AGBL1: variants seen among roughly 807,000 people sequenced by gnomAD.
AGBL1 encodes AGBL carboxypeptidase 1, also known as cytosolic carboxypeptidase 4.
Under a neutral mutation model 118.9 loss-of-function variants are expected in AGBL1, and 130 were observed. The ratio of observed to expected loss-of-function variants is 1.09; its 90% CI spans 0.95 to 1.26. The LOEUF (loss-of-function observed/expected upper bound fraction) is 1.26, where lower values mean the gene tolerates loss of function less well. Among genes scored for constraint, AGBL1 ranks in the 50% most tolerant of loss-of-function variants. The probability of loss-of-function intolerance (pLI) is 0.00; values close to 1 mark genes in which losing one functional copy is unlikely to be tolerated. For synonymous variants in AGBL1, 555 were observed against 478.9 expected (o/e 1.16, Z -2.08); for missense variants, 1,584 against 1,298.1 (o/e 1.22, Z -3.38).
chr15:86,966,293 TTAACAGA>T (rs2081052056), intron 23 of AGBL1, among the ~76,000 whole-genome samples: 1 of 151,706 alleles, frequency 6.6e-6, no homozygotes, highest in African/African-American at 2.4e-5. Context: ...TTTTTTTTTT[TTAACAGA>T]AATCCTCATT....
At chr15:86,456,924 A>G (rs1295463421) in intron 18 of AGBL1, among the ~76,000 whole-genome samples, 2 of 152,226 alleles carry the variant, frequency 1.3e-5, no homozygotes, top group Non-Finnish European at 2.9e-5. Flanking sequence ...AAAAAGGATT[A>G]CCTACATTCT....
At chr15:86,508,941 A>G (rs545737435) in intron 18 of AGBL1, among the ~76,000 whole-genome samples, 90 of 152,266 alleles carry the variant, frequency 5.9e-4, no homozygotes, top group African/African-American at 2.0e-3. Flanking sequence ...GTGTGTTATG[A>G]CACTTAAGCC....
intron 21 of AGBL1, among the ~76,000 whole-genome samples, chr15:86,571,651 C>T (rs2084007577): frequency 6.6e-6 from 1 of 152,164 alleles, no homozygotes; most frequent in Non-Finnish European, 1.5e-5. Flanking sequence ...CTTCATCTCC[C>T]CCTTGTTTCC....
chr15:86,846,069 C>G lies in AGBL1; in HGVS notation c.3159-61018C>G, dbSNP rs560460400. ...TTTTCTATTTAGCCAGCCTGGTAGT[C>G]TTTTGGATGACAATTACACATATAC... On this transcript the variant is annotated intron_variant, in intron 22 of 22. Transcript: ENST00000614907. Among the ~76,000 whole-genome samples the G allele has an allele frequency of 2.6e-5, 4 of 152,330 alleles. No homozygotes were observed. The South Asian group carries it at 8.3e-4, about 32-fold the overall frequency.
intron 5 of AGBL1, among the ~76,000 whole-genome samples, chr15:86,184,407 A>C (rs1327029251): frequency 6.6e-6 from 1 of 150,722 alleles, no homozygotes; most frequent in Non-Finnish European, 1.5e-5. Flanking sequence ...TTTATACACG[A>C]TCTATTCCTT....
chr15:86,650,981 C>T (rs1404810325), intron 21 of AGBL1, among the ~76,000 whole-genome samples: 1 of 152,204 alleles, frequency 6.6e-6, no homozygotes, highest in African/African-American at 2.4e-5. Context: ...CTTAGCACTT[C>T]TTGGTTCAAA....
chr15:86,264,939 A>T lies in AGBL1; in HGVS notation c.1667+101A>T. The T allele has an allele frequency of 7.2e-6, 8 of 1,114,960 alleles. 1 individual carries two copies. In the South Asian group the frequency reaches 1.5e-4, roughly 21 times the overall value. The allele number at this position is 1,114,960 out of a possible 1,614,324, so 69.1% of individuals were successfully genotyped here. A position where few individuals can be genotyped will look rare whatever the true frequency, so the allele number is the denominator to read the frequency against. ...TAATTCTACTATCTATAGGAAAGAGAGCATTAATCAGGAACATGTCAAAGC... is the reference window on the plus strand; with the variant it reads ...TAATTCTACTATCTATAGGAAAGAGTGCATTAATCAGGAACATGTCAAAGC... On this transcript the variant is annotated intron_variant, in intron 11 of 22. Transcript: ENST00000614907.
chr15:86,519,317 A>G (rs1324226667), intron 18 of AGBL1, among the ~76,000 whole-genome samples: 2 of 152,200 alleles, frequency 1.3e-5, no homozygotes, highest in African/African-American at 2.4e-5. Flanking sequence ...CACTTTTCAG[A>G]AATTATAGGC....
chr15:86,214,837 C>A (rs569917633), intron 5 of AGBL1, among the ~76,000 whole-genome samples: 1 of 152,372 alleles, frequency 6.6e-6, no homozygotes, highest in African/African-American at 2.4e-5. Flanking sequence ...CTATCTCAGG[C>A]AGTAGCCATC....
intron 22 of AGBL1, among the ~76,000 whole-genome samples, chr15:86,751,284 C>G (rs1214929620): frequency 7.2e-5 from 11 of 152,062 alleles, no homozygotes; most frequent in Non-Finnish European, 1.6e-4. Context: ...TTGCCAGCAT[C>G]TGTTATTTTT....
At chr15:87,004,873 T>G (rs1284879628) in intron 24 of AGBL1, among the ~76,000 whole-genome samples, 1 of 152,224 alleles carries the variant, frequency 6.6e-6, no homozygotes, top group Non-Finnish European at 1.5e-5. Flanking sequence ...CAGGAGCTCT[T>G]GTAGGGCAGG....
intron 18 of AGBL1, among the ~76,000 whole-genome samples, chr15:86,507,227 G>T (rs778130514): frequency 2.0e-5 from 3 of 152,036 alleles, no homozygotes; most frequent in Non-Finnish European, 4.4e-5. Flanking sequence ...CCACTGAAAA[G>T]AATCAAGCTT....
At chr15:86,495,406 A>G (rs1338083653) in intron 18 of AGBL1, among the ~76,000 whole-genome samples, 1 of 151,076 alleles carries the variant, frequency 6.6e-6, no homozygotes, top group Non-Finnish European at 1.5e-5. Context: ...TTTTAAAAAA[A>G]AAACCTTATA....
rs1003116239 is a variant in AGBL1, at chr15:86,549,731, A to C, written c.2817+3598A>C. On this transcript the variant is annotated intron_variant, in intron 20 of 22. Coordinates refer to ENST00000614907, the MANE Select transcript of AGBL1 (RefSeq NM_001386094.1). ...ACTGTTAAAATATGTTCAAATAATTAAAGAAAATTATGTTCAAAAGTTAAT... is the reference window on the plus strand; with the variant it reads ...ACTGTTAAAATATGTTCAAATAATTCAAGAAAATTATGTTCAAAAGTTAAT... Among the ~76,000 whole-genome samples the C allele has an allele frequency of 1.4e-4, 21 of 152,048 alleles. 1 individual carries two copies. Among genetic ancestry groups the C allele is most frequent in the African/African-American group, 5.1e-4 (21 of 41,410 alleles).
At chr15:86,187,735 T>A (rs1286305669) in intron 5 of AGBL1, among the ~76,000 whole-genome samples, 1 of 152,186 alleles carries the variant, frequency 6.6e-6, no homozygotes, top group African/African-American at 2.4e-5. Context: ...AGGTCACATG[T>A]GACTATGACT....
At chr15:86,347,165 A>T (rs2080550781) in intron 17 of AGBL1, among the ~76,000 whole-genome samples, 1 of 152,204 alleles carries the variant, frequency 6.6e-6, no homozygotes. Flanking sequence ...AAGATTTTGT[A>T]ACTCTTTTAG....
intron 22 of AGBL1, among the ~76,000 whole-genome samples, chr15:86,877,574 C>T (rs1191399537): frequency 6.6e-6 from 1 of 152,142 alleles, no homozygotes; most frequent in Admixed American, 6.5e-5. Flanking sequence ...GCATGAGCCT[C>T]CCCTACAGGA....
intron 24 of AGBL1, among the ~76,000 whole-genome samples, chr15:87,022,479 A>G (rs1014354351): frequency 6.6e-6 from 1 of 152,120 alleles, no homozygotes; most frequent in Admixed American, 6.6e-5. Flanking sequence ...AAACTTAAGA[A>G]TAATTGGTGC....
chr15:86,795,959 A>T (rs116431203), intron 22 of AGBL1, among the ~76,000 whole-genome samples: 1,521 of 151,796 alleles, frequency 0.01, 28 homozygotes, highest in African/African-American at 0.035. Flanking sequence ...GAGACATGGC[A>T]CCTCAGTTTC....
Sources: gnomAD v4.1 joint callset for allele counts (sites outside exome capture counted in the v4.1 genomes callset) on GRCh38, gnomAD v4.1.1 for gene constraint, MANE v1.5 for transcripts, NCBI Gene and HGNC (gene_info 2026-07-23, HGNC 2026-07-21) for gene names.